Variants in DNAJB6 observed in about 807,000 individuals in gnomAD.
DNAJB6 encodes DnaJ heat shock protein family (Hsp40) member B6.
Under a neutral mutation model 42.7 loss-of-function variants are expected in DNAJB6, and 16 were observed. The observed-to-expected ratio is 0.37, with a 90% CI of 0.25 to 0.57. DNAJB6 has a LOEUF of 0.57. Among genes scored for constraint, DNAJB6 ranks in the 20% least tolerant of loss-of-function variants. The probability of loss-of-function intolerance (pLI) is 0.74; values close to 1 mark genes in which losing one functional copy is unlikely to be tolerated. For missense variants in DNAJB6, 347 were observed against 416.8 expected (o/e 0.83, Z 1.46); for synonymous variants, 170 against 163.5 (o/e 1.04, Z -0.30).
At chr7:157,347,531 G>C (rs1169985173) in intron 1 of DNAJB6, among the ~76,000 whole-genome samples, 1 of 152,150 alleles carries the variant, frequency 6.6e-6, no homozygotes, top group African/African-American at 2.4e-5. Flanking sequence ...GAACTTGCTG[G>C]AACATTGACA....
At chr7:157,359,175 T>C (rs1039193457) in intron 2 of DNAJB6, among the ~76,000 whole-genome samples, 4 of 152,176 alleles carry the variant, frequency 2.6e-5, no homozygotes, top group African/African-American at 9.7e-5. Context: ...TAATGAGGTG[T>C]TAACTGTGAA....
chr7:157,404,027 T>C (rs1795651901), intron 8 of DNAJB6, among the ~76,000 whole-genome samples: 1 of 152,022 alleles, frequency 6.6e-6, no homozygotes, highest in Non-Finnish European at 1.5e-5. Context: ...AGTGCAGTGG[T>C]GCGATCACAG....
At chr7:157,342,805 A>G (rs1461556931) in intron 1 of DNAJB6, among the ~76,000 whole-genome samples, 1 of 152,110 alleles carries the variant, frequency 6.6e-6, no homozygotes, top group African/African-American at 2.4e-5. Context: ...CTAATAGGTG[A>G]TGAGTGCTAG....
chr7:157,378,346 G>A (rs560285447), intron 5 of DNAJB6: 1 of 152,348 alleles, frequency 6.6e-6, no homozygotes, highest in Admixed American at 6.5e-5. Context: ...AAATCCAAAA[G>A]TAATAATACA....
At chr7:157,376,805 G>T (rs1009412406) in intron 5 of DNAJB6, among the ~76,000 whole-genome samples, 1 of 152,180 alleles carries the variant, frequency 6.6e-6, no homozygotes, top group Admixed American at 6.5e-5. Flanking sequence ...TGCTTGACCT[G>T]GGAGGCAGAG....
intron 8 of DNAJB6, among the ~76,000 whole-genome samples, chr7:157,389,947 C>T (rs958266978): frequency 1.3e-5 from 2 of 152,222 alleles, no homozygotes; most frequent in Non-Finnish European, 1.5e-5. Flanking sequence ...GGGCAGACCC[C>T]TGACTGCGCT....
At chr7:157,390,662 T>A (rs1801296867) in intron 8 of DNAJB6, among the ~76,000 whole-genome samples, 1 of 152,110 alleles carries the variant, frequency 6.6e-6, no homozygotes. Flanking sequence ...TCCCGTGTGG[T>A]CAGCGCTGTG....
intron 8 of DNAJB6, among the ~76,000 whole-genome samples, chr7:157,408,196 T>A (rs1203461834): frequency 6.6e-6 from 1 of 151,984 alleles, no homozygotes; most frequent in Non-Finnish European, 1.5e-5. Flanking sequence ...GGTCCTGGGG[T>A]CCCCTGGCAG....
In DNAJB6 at chr7:157,403,024, C is replaced by T. The variant is rs373544016; in HGVS notation, c.692-6771C>T. On this transcript the variant is annotated intron_variant, in intron 8 of 9. Transcript: ENST00000262177. The stretch of plus-strand genomic sequence containing the variant: ...CCTGACGACAGGTGCCCGAGGTGGT[C>T]GGGGCGCGGCTTGGTTTTATGCATC... Among the ~76,000 whole-genome samples, 8 of 152,050 alleles carry T rather than the reference C, an allele frequency of 5.3e-5. No homozygotes were observed. In the South Asian group the frequency reaches 6.2e-4, roughly 12 times the overall value.
intron 8 of DNAJB6, among the ~76,000 whole-genome samples, chr7:157,392,402 C>G (rs1442538447): frequency 6.9e-6 from 1 of 145,100 alleles, no homozygotes; most frequent in Non-Finnish European, 1.5e-5. Flanking sequence ...ACGTGACTTA[C>G]TGTGTGGTAG....
intron 8 of DNAJB6, among the ~76,000 whole-genome samples, chr7:157,389,955 G>A (rs560635491): frequency 6.6e-6 from 1 of 152,218 alleles, no homozygotes; most frequent in East Asian, 1.9e-4. Context: ...CCCTGACTGC[G>A]CTTTGCCCTT....
In DNAJB6 at chr7:157,341,001, C is replaced by CGCGCGCTCGT. The variant is rs1339710604; in HGVS notation, c.-27+3863_-27+3864insTCGTGCGCGC. On this transcript the variant is annotated intron_variant, in intron 1 of 9. Coordinates refer to ENST00000262177, the MANE Select transcript of DNAJB6 (RefSeq NM_058246.4). ...GTGTGTGTGTGTGTGTGTGTGTGCGCGCGCGCAGGTGGAATCACCCTGTGT... is the reference window on the plus strand; with the variant it reads ...GTGTGTGTGTGTGTGTGTGTGTGCGCGCGCGCTCGTGCGCGCAGGTGGAATCACCCTGTGT... Among the ~76,000 whole-genome samples the CGCGCGCTCGT allele has an allele frequency of 3.1e-5, 4 of 130,336 alleles. No individual in the cohort carries two copies. In the East Asian group the frequency reaches 6.1e-4, roughly 20 times the overall value. 85.5% of individuals were successfully genotyped at this position (130,336 alleles called of 152,430 possible). A position where few individuals can be genotyped will look rare whatever the true frequency, so the allele number is the denominator to read the frequency against.
intron 1 of DNAJB6, among the ~76,000 whole-genome samples, chr7:157,352,975 G>A (rs1799072741): frequency 6.6e-6 from 1 of 152,108 alleles, no homozygotes; most frequent in African/African-American, 2.4e-5. Flanking sequence ...TGGCTTTTTA[G>A]AGTGACATGA....
rs60806134 is a variant in DNAJB6 at position 157,346,316 on chromosome 7, T to TAAAAAA, written c.-27+9188_-27+9193dup. 1.7e-3 allele frequency among the ~76,000 whole-genome samples: 198 copies of TAAAAAA among 117,702 alleles called. 3 individuals carry two copies. Among genetic ancestry groups the TAAAAAA allele is most frequent in the Middle Eastern group, 5.1e-3 (1 of 198 alleles). The allele number at this position is 117,702 out of a possible 152,430, so 77.2% of individuals were successfully genotyped here. ...GGTAGCCCTGCTCTGCAAGGAGTAG[T>TAAAAAA]AAAAAAAAAAAAAAAAAAAAAGTTA... On this transcript the variant is annotated intron_variant, in intron 1 of 9. Transcript: ENST00000262177.
At chr7:157,347,074 C>G (rs1001602768) in intron 1 of DNAJB6, among the ~76,000 whole-genome samples, 1 of 152,178 alleles carries the variant, frequency 6.6e-6, no homozygotes, top group Non-Finnish European at 1.5e-5. Context: ...CTAGGATGGT[C>G]TTGATCTCCT....
At chr7:157,370,907 G>C (rs1800176604) in intron 5 of DNAJB6, 1 of 152,648 alleles carries the variant, frequency 6.6e-6, no homozygotes, top group Non-Finnish European at 1.5e-5. Flanking sequence ...CAGAGCCAGA[G>C]GGATTTCCGC....
rs193015836 is a variant in DNAJB6, at chr7:157,407,570, G to A, written c.692-2225G>A. 5.3e-5 allele frequency among the ~76,000 whole-genome samples: 8 copies of A among 152,190 alleles called. No homozygotes were observed. In the East Asian group the frequency reaches 7.7e-4, roughly 15 times the overall value. The stretch of plus-strand genomic sequence containing the variant: ...TGCTGCTGTGTGCGTGGGTCCCTTC[G>A]TCTCTCCTCTCTCCCTCCAAGGTGG... On this transcript the variant is annotated intron_variant, in intron 8 of 9. Transcript: ENST00000262177.
rs549985574 is a variant in DNAJB6, at chr7:157,396,869, TC to T, written c.691+11260del. ...CTAAGGGGTTTTTCAGGCATAAACATCCACCGCCCGCCTCCTTTTCTACATG... is the reference window on the plus strand; with the variant it reads ...CTAAGGGGTTTTTCAGGCATAAACATCACCGCCCGCCTCCTTTTCTACATG... On this transcript the variant is annotated intron_variant, in intron 8 of 9. Coordinates refer to ENST00000262177, the MANE Select transcript of DNAJB6 (RefSeq NM_058246.4). Among the ~76,000 whole-genome samples the T allele has an allele frequency of 3.3e-3, 495 of 152,054 alleles. 1 individual carries two copies. Among genetic ancestry groups the T allele is most frequent in the African/African-American group, 0.011 (468 of 41,468 alleles).
chr7:157,369,393 C>T (rs532444420), intron 5 of DNAJB6: 4 of 456,572 alleles, frequency 8.8e-6, no homozygotes, highest in African/African-American at 8.0e-5. Flanking sequence ...GTCCTGTGTT[C>T]TGATCGGTGA....
Sources: allele counts gnomAD v4.1 joint callset (sites outside exome capture counted in the v4.1 genomes callset), GRCh38; gene constraint gnomAD v4.1.1; transcripts MANE v1.5; gene names NCBI Gene and HGNC (gene_info 2026-07-23, HGNC 2026-07-21).